SQOR: variants seen among roughly 807,000 people sequenced by gnomAD.
The protein encoded by SQOR is sulfide quinone oxidoreductase.
SQOR carries 39 observed loss-of-function variants against 48.6 expected under a neutral mutation model. The observed-to-expected ratio is 0.80, with a 90% confidence interval of 0.62 to 1.05. SQOR has a LOEUF of 1.05. SQOR is among the 50% of genes least tolerant of loss of function. The probability of loss-of-function intolerance (pLI) is 0.00; values close to 1 mark genes in which losing one functional copy is unlikely to be tolerated. For missense variants in SQOR, 561 were observed against 559.9 expected (o/e 1.00, Z -0.02); for synonymous variants, 220 against 206.2 (o/e 1.07, Z -0.57).
intron 1 of SQOR, among the ~76,000 whole-genome samples, chr15:45,658,514 C>T (rs552947084): frequency 6.6e-6 from 1 of 152,206 alleles, no homozygotes; most frequent in South Asian, 2.1e-4. Context: ...TGAAAATCCA[C>T]AGAAAGCACT....
chr15:45,651,488 T>C (rs1191147979), intron 1 of SQOR, among the ~76,000 whole-genome samples: 1 of 152,254 alleles, frequency 6.6e-6, no homozygotes, highest in South Asian at 2.1e-4. Flanking sequence ...TCCTTGAGCA[T>C]GGCCAGAGCG....
chr15:45,674,704 C>T (rs1890005222), intron 5 of SQOR, among the ~76,000 whole-genome samples: 1 of 152,184 alleles, frequency 6.6e-6, no homozygotes, highest in Non-Finnish European at 1.5e-5. Flanking sequence ...CAGGAGGAGA[C>T]TTTCTCAGCA....
At chr15:45,689,534 C>G (rs527616488) in intron 9 of SQOR, 183 of 172,956 alleles carry the variant, frequency 1.1e-3, no homozygotes, top group Admixed American at 1.8e-3. Context: ...TTTCCTGCCC[C>G]AGCCTCCTGA....
chr15:45,634,731 A>C (rs549665019), upstream of SQOR: 24 of 152,318 alleles, frequency 1.6e-4, no homozygotes, highest in African/African-American at 5.3e-4. Flanking sequence ...GTTGGCACCC[A>C]GGGGCGGAAG....
At chr15:45,649,147 A>G (rs1889411499) in intron 1 of SQOR, among the ~76,000 whole-genome samples, 1 of 152,234 alleles carries the variant, frequency 6.6e-6, no homozygotes, top group Non-Finnish European at 1.5e-5. Context: ...TGACACAGGC[A>G]GTCTGTATTG....
intron 5 of SQOR, 149 bp downstream of exon 5, chr15:45,673,950 A>G: frequency 2.7e-6 from 2 of 751,444 alleles, no homozygotes; most frequent in Non-Finnish European, 4.2e-6. Context: ...GGAAGTTTAT[A>G]AAATATAAAA....
rs75143634 is a variant in SQOR at position 45,653,933 on chromosome 15, C to A, written c.-17-4974C>A. 1.6e-4 allele frequency among the ~76,000 whole-genome samples: 25 copies of A among 152,070 alleles called. No homozygotes were observed. The South Asian group carries it at 4.4e-3, about 26-fold the overall frequency. On this transcript the variant is annotated intron_variant, in intron 1 of 9. Coordinates refer to ENST00000260324, the MANE Select transcript of SQOR (RefSeq NM_021199.4). Reference sequence around the variant, plus strand: ...GGCAGATTACATGAGGCCAGCCTGGCTAACATGGTGAAACCCTGTGTCAAC... The same window carrying A: ...GGCAGATTACATGAGGCCAGCCTGGATAACATGGTGAAACCCTGTGTCAAC...
rs200916577 is a variant in SQOR, at chr15:45,677,039, T to TAA, written c.864+745_864+746dup. 5.0e-4 allele frequency among the ~76,000 whole-genome samples: 64 copies of TAA among 127,132 alleles called. 1 individual carries two copies. The highest frequency in any genetic ancestry group is 1.5e-3 in the East Asian group (7 of 4,546). The allele number at this position is 127,132 out of a possible 152,430, so 83.4% of individuals were successfully genotyped here. On this transcript the variant is annotated intron_variant, in intron 6 of 9. Transcript: ENST00000260324. ...CTGGGTGACAGAGTGAGACTCCGTC[T>TAA]AAAAAAAAAAAAAAAAAGAAATAAT... is the stretch of plus-strand genomic sequence containing the variant.
rs1566918102 is a variant in SQOR, at chr15:45,659,135, T to TG, written c.214dup (p.Ala72GlyfsTer4). 6.4e-7 allele frequency: 1 copy of TG among 1,551,372 alleles called. No homozygotes were observed. Among genetic ancestry groups the TG allele is most frequent in the East Asian group, 2.3e-5 (1 of 43,330 alleles). ...AAGAGGAAAGTGGGTGCAGAGAATG[T>TG]GGCCATTGTTGAGCCCAGTGAGGTA... is the stretch of plus-strand genomic sequence containing the variant. On this transcript the variant is annotated frameshift_variant, in exon 2 of 10. Transcript: ENST00000260324. LOFTEE classifies it high-confidence loss of function.
Position 45,689,194 on chromosome 15 carries a change from C to T in SQOR, c.1272C>T (p.Phe424=). ...MYLMKADLMP[F]LYWNMMLRGY... is the part of the protein sequence containing the mutation. ...TCATGAAAGCTGACCTGATGCCTTT[C>T]CTGTATTGGAATATGATGCTAAGGT... Residue 424 remains phenylalanine (F), a synonymous_variant, in exon 9 of 10, where the codon TTC becomes TTT. Transcript: ENST00000260324. 5 of 1,614,028 alleles carry T rather than the reference C, an allele frequency of 3.1e-6. No homozygotes were observed. The highest frequency in any genetic ancestry group is 4.2e-6 in the Non-Finnish European group (5 of 1,179,984).
At chr15:45,667,423 C>G (rs930251704) in intron 3 of SQOR, among the ~76,000 whole-genome samples, 2 of 152,092 alleles carry the variant, frequency 1.3e-5, no homozygotes, top group African/African-American at 4.8e-5. Flanking sequence ...CTTCTGACCC[C>G]TGTGTAATAT....
upstream of SQOR, among the ~76,000 whole-genome samples, chr15:45,634,478 G>A (rs1894959374): frequency 6.6e-6 from 1 of 151,948 alleles, no homozygotes; most frequent in Middle Eastern, 3.2e-3. Context: ...ACACTGTGGA[G>A]GCCAGTGGCT....
At chr15:45,658,827 C>T in intron 1 of SQOR, 80 bp from the exon 2 acceptor site, 1 of 1,163,946 alleles carries the variant, frequency 8.6e-7, no homozygotes, top group Non-Finnish European at 1.2e-6. Flanking sequence ...TGCCGGCCTC[C>T]CTTCCTCCTG....
At chr15:45,684,380 A>G (rs1890183844) in intron 7 of SQOR, among the ~76,000 whole-genome samples, 1 of 152,100 alleles carries the variant, frequency 6.6e-6, no homozygotes, top group Admixed American at 6.6e-5. Flanking sequence ...TGACATTGAC[A>G]TTTTTGAAGA....
At chr15:45,639,174 C>A (rs539514784) in intron 1 of SQOR, among the ~76,000 whole-genome samples, 4 of 152,314 alleles carry the variant, frequency 2.6e-5, no homozygotes, top group Admixed American at 1.3e-4. Context: ...GCAGAAGAGT[C>A]TCCCATGTAC....
At chr15:45,670,061 T>C in intron 4 of SQOR, 80 bp downstream of exon 4, 30 of 1,346,184 alleles carry the variant, frequency 2.2e-5, no homozygotes, top group Non-Finnish European at 2.7e-5. Flanking sequence ...CTTTATTATA[T>C]TCATTTTGAC....
chr15:45,678,303 G>T lies in SQOR; in HGVS notation c.864+1993G>T, dbSNP rs565740521. On this transcript the variant is annotated intron_variant, in intron 6 of 9. Coordinates refer to ENST00000260324, the MANE Select transcript of SQOR (RefSeq NM_021199.4). ...GCCTAATCAAATCTTTACTATGGTG[G>T]TTGCAAAATGGTGATTTGCTAACTG... Among the ~76,000 whole-genome samples, 14 of 152,268 alleles carry T rather than the reference G, an allele frequency of 9.2e-5. No individual in the cohort carries two copies. In the East Asian group the frequency reaches 2.7e-3, roughly 29 times the overall value.
intron 3 of SQOR, among the ~76,000 whole-genome samples, chr15:45,662,715 C>T (rs1889744070): frequency 6.6e-6 from 1 of 152,182 alleles, no homozygotes; most frequent in South Asian, 2.1e-4. Flanking sequence ...AGTGGCCGCC[C>T]CATGTTTGAC....
chr15:45,639,607 T>A (rs562869276), intron 1 of SQOR, among the ~76,000 whole-genome samples: 1 of 152,262 alleles, frequency 6.6e-6, no homozygotes, highest in African/African-American at 2.4e-5. Flanking sequence ...GTGATTTCAC[T>A]CTATGATAAC....
Sources: gnomAD v4.1 joint callset for allele counts (sites outside exome capture counted in the v4.1 genomes callset) on GRCh38, gnomAD v4.1.1 for gene constraint, MANE v1.5 for transcripts, NCBI Gene and HGNC (gene_info 2026-07-23, HGNC 2026-07-21) for gene names.